Variants in DOCK4 observed in about 807,000 individuals in gnomAD.
DOCK4 encodes the protein dedicator of cytokinesis protein 4.
DOCK4 carries 97 observed loss-of-function variants against 268.1 expected under a neutral mutation model. That is an observed-to-expected ratio of 0.36 (90% CI 0.31 to 0.43). DOCK4 has a LOEUF of 0.43. DOCK4 is among the 20% of genes least tolerant of loss of function. DOCK4 has a pLI of 1.00. For synonymous variants in DOCK4, 954 were observed against 887.2 expected, an observed-to-expected ratio of 1.08 and a Z score of -1.34; for missense variants, 2,145 against 2,455.7, an observed-to-expected ratio of 0.87 and a Z score of 2.67.
intron 1 of DOCK4, among the ~76,000 whole-genome samples, chr7:112,057,060 T>C (rs1805881842): frequency 6.6e-6 from 1 of 152,112 alleles, no homozygotes; most frequent in Admixed American, 6.6e-5. Flanking sequence ...CAAAAGATAA[T>C]AACTTACTTG....
At chr7:111,767,719 C>T (rs893120534) in intron 37 of DOCK4, among the ~76,000 whole-genome samples, 9 of 151,956 alleles carry the variant, frequency 5.9e-5, no homozygotes, top group Admixed American at 3.3e-4. Context: ...CCACAATGGC[C>T]GAGTAGATGG....
chr7:112,183,899 T>C (rs1404300119), intron 1 of DOCK4, among the ~76,000 whole-genome samples: 1 of 152,208 alleles, frequency 6.6e-6, no homozygotes, highest in East Asian at 1.9e-4. Context: ...CCCTCTCCTA[T>C]TTCTTTCACC....
intron 15 of DOCK4, among the ~76,000 whole-genome samples, chr7:111,897,983 C>T (rs1808903933): frequency 3.9e-5 from 6 of 152,142 alleles, no homozygotes; most frequent in South Asian, 2.1e-4. Context: ...CCATTACCAT[C>T]GTAATGCAGA....
chr7:111,941,512 T>C (rs1795192295), intron 10 of DOCK4, among the ~76,000 whole-genome samples: 1 of 152,206 alleles, frequency 6.6e-6, no homozygotes, highest in Admixed American at 6.5e-5. Context: ...TGTATGGCAG[T>C]CTTTATCAAT....
chr7:112,133,886 G>C lies in DOCK4; in HGVS notation c.37+72216C>G, dbSNP rs77447592. ...AAACTGTGAGTTATCTCACATTAAG[G>C]CTTCCTCAAATGGTTTGTGAAATAA... On this transcript the variant is annotated intron_variant, in intron 1 of 52. Transcript: ENST00000428084. Among the ~76,000 whole-genome samples the C allele has an allele frequency of 2.5e-4, 38 of 152,240 alleles. No homozygotes were observed. In the East Asian group the frequency reaches 6.4e-3, roughly 26 times the overall value.
chr7:111,973,893 T>C (rs1040732846), intron 8 of DOCK4, among the ~76,000 whole-genome samples: 1 of 152,098 alleles, frequency 6.6e-6, no homozygotes, highest in Admixed American at 6.6e-5. Flanking sequence ...TTAAAAGAAA[T>C]ACAAAATTTT....
At chr7:111,984,824 T>C (rs973217198) in intron 6 of DOCK4, among the ~76,000 whole-genome samples, 1 of 152,214 alleles carries the variant, frequency 6.6e-6, no homozygotes, top group African/African-American at 2.4e-5. Context: ...CCAGTATACC[T>C]AGCTGTGCCC....
intron 1 of DOCK4, among the ~76,000 whole-genome samples, chr7:112,109,137 G>A (rs1215013156): frequency 6.6e-6 from 1 of 152,178 alleles, no homozygotes; most frequent in Admixed American, 6.5e-5. Context: ...CCAGCCACAT[G>A]GTGCCAAGCC....
intron 23 of DOCK4, among the ~76,000 whole-genome samples, chr7:111,861,175 C>G (rs1164593127): frequency 6.6e-6 from 1 of 152,278 alleles, no homozygotes; most frequent in East Asian, 1.9e-4. Flanking sequence ...ATTCCTGAGT[C>G]ACTGCACAGA....
chr7:111,859,866 C>T (rs958124514), intron 23 of DOCK4, among the ~76,000 whole-genome samples: 11 of 152,104 alleles, frequency 7.2e-5, no homozygotes, highest in African/African-American at 1.9e-4. Flanking sequence ...CGCGCCCGGC[C>T]GTGTGTTAAT....
At position 111,728,439 on chromosome 7, in the gene DOCK4, G is replaced by A. The variant is rs745697955; in HGVS notation, c.5763C>T (p.Arg1921=). ...PYSVYERTLR[R]PVPLPHSLSI... ...AGAGGCTGTGAGGTAGCGGGACGGGGCGCCGCAGAGTCCGCTCGTAGACGC... is the reference window on the plus strand; with the variant it reads ...AGAGGCTGTGAGGTAGCGGGACGGGACGCCGCAGAGTCCGCTCGTAGACGC... The change falls in exon 53 of 53, where the codon CGC becomes CGT. Residue 1921 remains arginine (R), a synonymous_variant. Transcript: ENST00000428084. 2 of 1,596,968 alleles carry A rather than the reference G, an allele frequency of 1.3e-6. No homozygotes were observed. Among genetic ancestry groups the A allele is most frequent in the South Asian group, 2.3e-5 (2 of 88,412 alleles).
chr7:112,165,539 TGTGTGTGTGTGTGTGTGTGTGC>T lies in DOCK4; in HGVS notation c.37+40541_37+40562del, dbSNP rs1817527920. Reference sequence around the variant, plus strand: ...AATAGTATACGTGTGTGTGTGTGTGTGTGTGTGTGTGTGTGTGTGTGCGTGTGTGTGTGTATCCCATTTCTTT... The same window carrying T: ...AATAGTATACGTGTGTGTGTGTGTGTGTGTGTGTGTGTATCCCATTTCTTT... On this transcript the variant is annotated intron_variant, in intron 1 of 52. Transcript: ENST00000428084. Among the ~76,000 whole-genome samples the T allele has an allele frequency of 6.7e-5, 9 of 135,162 alleles. 1 individual carries two copies. The highest frequency in any genetic ancestry group is 6.2e-4 in the Admixed American group (8 of 12,986). 88.7% of individuals were successfully genotyped at this position (135,162 alleles called of 152,430 possible).
In DOCK4 at chr7:111,919,333, T is replaced by C. The variant is rs115042745; in HGVS notation, c.1067-3429A>G. Among the ~76,000 whole-genome samples, 1,405 of 152,014 alleles carry C rather than the reference T, an allele frequency of 9.2e-3. 24 individuals carry two copies. The highest frequency in any genetic ancestry group is 0.032 in the African/African-American group (1,307 of 41,468). ...TAAACAGAAATACATCAGTGTTCTC[T>C]AGAGAGCAAGGGCCACAGAGGGGAG... On this transcript the variant is annotated intron_variant, in intron 12 of 52. Transcript: ENST00000428084.
chr7:111,744,824 C>T (rs1238913984), intron 44 of DOCK4, among the ~76,000 whole-genome samples: 1 of 151,998 alleles, frequency 6.6e-6, no homozygotes, highest in Non-Finnish European at 1.5e-5. Flanking sequence ...TCAAGTAATT[C>T]TTCTCTCTCT....
At chr7:112,070,567 T>C (rs1025579795) in intron 1 of DOCK4, among the ~76,000 whole-genome samples, 1 of 152,066 alleles carries the variant, frequency 6.6e-6, no homozygotes, top group Non-Finnish European at 1.5e-5. Context: ...TAAGGAGTAG[T>C]TGAATATTTA....
At chr7:111,773,333 A>C (rs1228276327) in intron 36 of DOCK4, among the ~76,000 whole-genome samples, 6 of 152,232 alleles carry the variant, frequency 3.9e-5, no homozygotes, top group African/African-American at 9.6e-5. Flanking sequence ...ATAAAATGTT[A>C]CATGGGAAAA....
intron 34 of DOCK4, 76 bp from the exon 35 acceptor site, chr7:111,783,000 A>G: frequency 7.7e-7 from 1 of 1,302,156 alleles, no homozygotes; most frequent in Non-Finnish European, 1.1e-6. Context: ...TTTTGGGGGA[A>G]AAAAAGAAAG....
chr7:111,759,335 A>T (rs1209606666), intron 40 of DOCK4, among the ~76,000 whole-genome samples: 1 of 152,118 alleles, frequency 6.6e-6, no homozygotes, highest in African/African-American at 2.4e-5. Context: ...GCTGTCCCAA[A>T]TCTTGTATTC....
At chr7:112,066,600 A>G (rs1279720626) in intron 1 of DOCK4, among the ~76,000 whole-genome samples, 4 of 125,404 alleles carry the variant, frequency 3.2e-5, no homozygotes, top group African/African-American at 1.2e-4. Context: ...ACATATACAT[A>G]TATACACGTG....
Sources: gnomAD v4.1 joint callset for allele counts (sites outside exome capture counted in the v4.1 genomes callset) on GRCh38, gnomAD v4.1.1 for gene constraint, MANE v1.5 for transcripts, NCBI Gene and HGNC (gene_info 2026-07-23, HGNC 2026-07-21) for gene names.